Variants in KAT2B observed in about 807,000 individuals in gnomAD.
KAT2B encodes histone acetyltransferase KAT2B.
KAT2B carries 36 observed loss-of-function variants against 105.9 expected under a neutral mutation model. The ratio of observed to expected loss-of-function variants is 0.34; its 90% CI spans 0.26 to 0.45. KAT2B has a LOEUF of 0.45. KAT2B is among the 20% of genes least tolerant of loss of function. KAT2B has a pLI of 1.00. For missense variants in KAT2B, 820 were observed against 1,021.6 expected, an observed-to-expected ratio of 0.80 and a Z score of 2.69; for synonymous variants, 397 against 377.9, an observed-to-expected ratio of 1.05 and a Z score of -0.59.
intron 2 of KAT2B, among the ~76,000 whole-genome samples, chr3:20,078,096 C>T (rs989240412): frequency 9.2e-5 from 14 of 152,042 alleles, no homozygotes; most frequent in African/African-American, 3.4e-4. Context: ...GGAGGATGGC[C>T]TGAGCCTGGG....
intron 5 of KAT2B, among the ~76,000 whole-genome samples, chr3:20,102,835 T>A (rs1220259908): frequency 6.6e-6 from 1 of 152,184 alleles, no homozygotes; most frequent in African/African-American, 2.4e-5. Context: ...AGTGCCTACT[T>A]TTTTCCTGAT....
chr3:20,118,903 A>G (rs980166451), intron 7 of KAT2B, among the ~76,000 whole-genome samples: 5 of 151,626 alleles, frequency 3.3e-5, no homozygotes, highest in African/African-American at 1.2e-4. Context: ...CTCTAACATA[A>G]AAACTATAGT....
intron 11 of KAT2B, among the ~76,000 whole-genome samples, chr3:20,128,381 T>C (rs1290408513): frequency 6.6e-6 from 1 of 152,166 alleles, no homozygotes; most frequent in Non-Finnish European, 1.5e-5. Context: ...CTAAGGAAAT[T>C]CTTTAAGGGA....
At chr3:20,073,877 C>G (rs1408339545) in intron 2 of KAT2B, among the ~76,000 whole-genome samples, 1 of 152,164 alleles carries the variant, frequency 6.6e-6, no homozygotes, top group East Asian at 1.9e-4. Flanking sequence ...ATTGGGAAAT[C>G]CTATTATCCT....
chr3:20,049,492 C>T (rs970446413), intron 1 of KAT2B, among the ~76,000 whole-genome samples: 5 of 152,162 alleles, frequency 3.3e-5, no homozygotes, highest in South Asian at 2.1e-4. Flanking sequence ...CTCATGAAAG[C>T]GTCTGCCCAA....
intron 5 of KAT2B, among the ~76,000 whole-genome samples, chr3:20,104,054 T>G (rs148245439): frequency 9.6e-4 from 147 of 152,340 alleles, no homozygotes; most frequent in African/African-American, 3.2e-3. Flanking sequence ...TCACTGCCAA[T>G]GTGGAGCTTA....
chr3:20,041,280 AG>A (rs1697715146), intron 1 of KAT2B, among the ~76,000 whole-genome samples: 1 of 151,966 alleles, frequency 6.6e-6, no homozygotes, highest in South Asian at 2.1e-4. Context: ...GGGAAAGCGA[AG>A]GGGAGGAAAG....
At chr3:20,148,036 ATT>A (rs60728324) in intron 15 of KAT2B, 37 bp downstream of exon 15, 38 of 1,362,104 alleles carry the variant, frequency 2.8e-5, no homozygotes, top group Admixed American at 5.9e-5. Context: ...AATGGAAGTG[ATT>A]TTTTTTTTTC....
chr3:20,073,640 A>G (rs1698365685), intron 2 of KAT2B, among the ~76,000 whole-genome samples: 1 of 152,256 alleles, frequency 6.6e-6, no homozygotes, highest in Non-Finnish European at 1.5e-5. Context: ...GTGAGCTCTG[A>G]GTTTTGAAGC....
chr3:20,111,507 G>A (rs1699120301), intron 5 of KAT2B, 89 bp from the exon 6 acceptor site: 12 of 1,098,178 alleles, frequency 1.1e-5, no homozygotes, highest in Non-Finnish European at 1.6e-5. Flanking sequence ...TTCTGCTATA[G>A]TTAATAGTAC....
chr3:20,099,759 AAG>A (rs149949115), intron 3 of KAT2B, 101 bp from the exon 4 acceptor site: 38,080 of 467,130 alleles, frequency 0.082, no homozygotes, highest in South Asian at 0.15. Flanking sequence ...GTGTGTGTGT[AAG>A]AGAGAGAGAG....
chr3:20,061,963 T>TAATATATATTATATATAAAAC (rs1559513858), intron 1 of KAT2B, among the ~76,000 whole-genome samples: 2 of 103,888 alleles, frequency 1.9e-5, no homozygotes, highest in African/African-American at 3.6e-5. Context: ...ATATAAAACA[T>TAATATATATTATATATAAAAC]AATATATATT....
chr3:20,127,569 C>T lies in KAT2B; in HGVS notation c.1749+20C>T. 6.2e-7 allele frequency: 1 copy of T among 1,611,066 alleles called. No homozygotes were observed. Among genetic ancestry groups the T allele is most frequent in the Non-Finnish European group, 8.5e-7 (1 of 1,178,080 alleles). The stretch of plus-strand genomic sequence containing the variant: ...GTCAAGGTAAGGGTAAACCCAAGGT[C>T]TTAGAAGAAGAGCAGAATGTGGGGC... On this transcript the variant is annotated intron_variant, in intron 11 of 17. Coordinates refer to ENST00000263754, the MANE Select transcript of KAT2B (RefSeq NM_003884.5).
At chr3:20,044,521 T>C (rs1157527599) in intron 1 of KAT2B, among the ~76,000 whole-genome samples, 1 of 152,188 alleles carries the variant, frequency 6.6e-6, no homozygotes, top group South Asian at 2.1e-4. Context: ...AGGCCCTGCA[T>C]GGCCTGGCTA....
At position 20,140,317 on chromosome 3, in the gene KAT2B, C is replaced by T. The variant is rs116196143; in HGVS notation, c.1957C>T (p.Arg653Trp). The T allele has an allele frequency of 3.3e-3, 5,246 of 1,613,712 alleles. 23 individuals are homozygous for T. The highest frequency in any genetic ancestry group is 0.011 in the Middle Eastern group (63 of 5,998). ...TTTAATGGGATGTGAGCTAAATCCA[C>T]GGATCCCGTACACAGAATTTTCTGT... Reference protein sequence around the residue: ...ATLMGCELNPRIPYTEFSVII... With the variant: ...ATLMGCELNPWIPYTEFSVII... The change falls in exon 13 of 18, where the codon CGG (arginine) becomes TGG (tryptophan). Residue 653 changes from arginine (R) to tryptophan (W), a missense_variant. By Grantham distance (101) the Arg-to-Trp change is moderately radical. Around this residue, in one of 6 missense-constraint regions of KAT2B, gnomAD observed 227 missense variants for 292.9 expected, o/e 0.77. Transcript: ENST00000263754.
At chr3:20,125,229 C>T (rs776048012) in intron 9 of KAT2B, among the ~76,000 whole-genome samples, 2 of 144,512 alleles carry the variant, frequency 1.4e-5, no homozygotes, top group African/African-American at 2.5e-5. Flanking sequence ...GGCATGAACC[C>T]GGGAGGCGGA....
chr3:20,062,067 A>G (rs1698123460), intron 1 of KAT2B, among the ~76,000 whole-genome samples: 1 of 103,488 alleles, frequency 9.7e-6, no homozygotes, highest in Non-Finnish European at 1.7e-5. Flanking sequence ...TATATTATAT[A>G]TAAAACATAT....
intron 8 of KAT2B, among the ~76,000 whole-genome samples, chr3:20,120,945 T>C (rs1042273392): frequency 5.3e-5 from 8 of 152,024 alleles, no homozygotes; most frequent in Non-Finnish European, 7.4e-5. Context: ...ATGCAGAAAC[T>C]CTTTACCAGT....
chr3:20,130,579 A>T (rs1210535010), intron 11 of KAT2B, among the ~76,000 whole-genome samples: 1 of 152,184 alleles, frequency 6.6e-6, no homozygotes, highest in Non-Finnish European at 1.5e-5. Context: ...GGAAATGCTG[A>T]TTAAGGTTGA....
Sources: allele counts gnomAD v4.1 joint callset (sites outside exome capture counted in the v4.1 genomes callset), GRCh38; gene constraint gnomAD v4.1.1; regional missense constraint gnomAD v4.1.1; transcripts MANE v1.5; gene names NCBI Gene and HGNC (gene_info 2026-07-23, HGNC 2026-07-21).